The following FLYWCH1 variants were observed in gnomAD, a reference collection of about 807,000 sequenced individuals.
FLYWCH1 encodes FLYWCH-type zinc finger-containing protein 1.
A neutral mutation model predicts 66.4 loss-of-function variants in FLYWCH1; 75 were observed. That is an observed-to-expected ratio of 1.13 (90% CI 0.94 to 1.37). The LOEUF (loss-of-function observed/expected upper bound fraction) is 1.37, where lower values mean the gene tolerates loss of function less well. Ranked by LOEUF, FLYWCH1 falls within the 40% of genes most tolerant of loss-of-function variation. FLYWCH1 has a pLI of 0.00. For missense variants in FLYWCH1, 1,334 were observed against 1,001.8 expected (o/e 1.33, Z -4.48); for synonymous variants, 595 against 429.9 (o/e 1.38, Z -4.75).
chr16:2,932,377 A>G (rs1393345137), intron 4 of FLYWCH1, among the ~76,000 whole-genome samples: 1 of 151,952 alleles, frequency 6.6e-6, no homozygotes, highest in Non-Finnish European at 1.5e-5. Flanking sequence ...GTAGCCTCAG[A>G]AAATTGGCTT....
At position 2,933,505 on chromosome 16, in the gene FLYWCH1, G is replaced by A. The variant is rs202152304; in HGVS notation, c.1172G>A (p.Arg391Gln). The change falls in exon 5 of 10, where the codon CGA (arginine) becomes CAA (glutamine). Residue 391 changes from arginine to glutamine, a missense_variant. Physicochemically the swap from Arg to Gln is conservative, Grantham distance 43. Coordinates refer to ENST00000253928, the MANE Select transcript of FLYWCH1 (RefSeq NM_001308068.2). Reference sequence around the variant, plus strand: ...CTCACCAGGCCTCGGCCCAGAAAGCGAGCAAAGGTCGAAGACCAGGAGCTG... The same window carrying A: ...CTCACCAGGCCTCGGCCCAGAAAGCAAGCAAAGGTCGAAGACCAGGAGCTG... ...LTLTRPRPRK[R>Q]AKVEDQELPT... The A allele has an allele frequency of 8.0e-5, 129 of 1,611,832 alleles. No homozygotes were observed. Among genetic ancestry groups the A allele is most frequent in the Admixed American group, 2.2e-4 (13 of 59,766 alleles).
At position 2,933,572 on chromosome 16, in the gene FLYWCH1, C is replaced by T. The variant is rs749707471; in HGVS notation, c.1239C>T (p.Asp413=). The T allele has an allele frequency of 1.1e-5, 17 of 1,591,150 alleles. No individual in the cohort carries two copies. Among genetic ancestry groups the T allele is most frequent in the South Asian group, 3.4e-5 (3 of 88,000 alleles). The change falls in exon 5 of 10, where the codon GAC becomes GAT. Residue 413 remains aspartate (D), a synonymous_variant. Coordinates refer to ENST00000253928, the MANE Select transcript of FLYWCH1 (RefSeq NM_001308068.2). ...CCCCAGACGAGCACCAGGACATGGA[C>T]GCAGACCCGGGTGAGCTGCCTTCCT... is the stretch of plus-strand genomic sequence containing the variant. ...PEAPDEHQDM[D]ADPGGPEFLK... is the part of the protein sequence containing the mutation.
intron 9 of FLYWCH1, 95 bp from the exon 10 acceptor site, chr16:2,948,593 C>A: frequency 7.5e-7 from 1 of 1,327,322 alleles, no homozygotes; most frequent in Non-Finnish European, 1.1e-6. Flanking sequence ...GTGGCATCCC[C>A]AGGAAAAAGG....
chr16:2,930,736 G>A lies in FLYWCH1; in HGVS notation c.652G>A (p.Gly218Arg). The A allele has an allele frequency of 6.4e-7, 1 of 1,555,032 alleles. No individual in the cohort carries two copies. Among genetic ancestry groups the A allele is most frequent in the East Asian group, 2.4e-5 (1 of 41,710 alleles). ...AGGCCGAGTGGAGGAGCCCCTGGAG[G>A]GGGTGGGCCCGTGGCAGTGCCCTGA... ...PGGRVEEPLEGVGPWQCPEEP... is the reference protein window; with the variant it reads ...PGGRVEEPLERVGPWQCPEEP... Residue 218 changes from glycine (G) to arginine (R), a missense_variant, in exon 4 of 10, where the codon GGG becomes AGG. Gly to Arg is a moderately radical substitution (Grantham distance 125). Transcript: ENST00000253928.
chr16:2,944,838 T>G (rs35539701), intron 9 of FLYWCH1, among the ~76,000 whole-genome samples: 1 of 92,578 alleles, frequency 1.1e-5, no homozygotes, highest in Non-Finnish European at 3.0e-5. Context: ...AAAAAAAAAT[T>G]TTTTTTAACT....
At chr16:2,937,406 CTGGGT>C in intron 7 of FLYWCH1, 22 bp downstream of exon 7, 1 of 1,509,720 alleles carries the variant, frequency 6.6e-7, no homozygotes, top group African/African-American at 1.4e-5. Flanking sequence ...GGGTGCTGGG[CTGGGT>C]CTGCCTGGTC....
At chr16:2,934,085 T>C in intron 6 of FLYWCH1, 106 bp downstream of exon 6, 1 of 1,316,260 alleles carries the variant, frequency 7.6e-7, no homozygotes, top group Non-Finnish European at 1.0e-6. Flanking sequence ...TCCTCTTCCC[T>C]TCTTTGAACA....
chr16:2,930,939 C>G lies in FLYWCH1; in HGVS notation c.796+59C>G, dbSNP rs1195743258. On this transcript the variant is annotated intron_variant, in intron 4 of 9. Coordinates refer to ENST00000253928, the MANE Select transcript of FLYWCH1 (RefSeq NM_001308068.2). ...CGGGGCAGGGGACCCGAGGGCCCTT[C>G]CTCAGCCCAAATAGAAATGTGGGGT... 5.3e-6 allele frequency: 7 copies of G among 1,318,134 alleles called. No individual in the cohort carries two copies. The African/African-American group carries it at 1.0e-4, about 20-fold the overall frequency. 81.7% of individuals were successfully genotyped at this position (1,318,134 alleles called of 1,614,324 possible).
intron 2 of FLYWCH1, among the ~76,000 whole-genome samples, chr16:2,914,498 A>G (rs1176756904): frequency 6.6e-6 from 1 of 152,180 alleles, no homozygotes; most frequent in Non-Finnish European, 1.5e-5. Context: ...CGCACCCTCA[A>G]TTCTGGGAGA....
At chr16:2,938,910 C>T (rs954272819) in intron 8 of FLYWCH1, among the ~76,000 whole-genome samples, 2 of 144,340 alleles carry the variant, frequency 1.4e-5, no homozygotes, top group Admixed American at 1.4e-4. Context: ...CTGTGCCCAA[C>T]CTTTTTTTTT....
chr16:2,933,683 C>T (rs1266516188), intron 5 of FLYWCH1, 33 bp from the exon 6 acceptor site: 2 of 1,597,072 alleles, frequency 1.3e-6, no homozygotes, highest in Non-Finnish European at 1.7e-6. Flanking sequence ...CAGCCCCTGT[C>T]CCCTCCCCTG....
At position 2,948,797 on chromosome 16, in the gene FLYWCH1, T is replaced by C; in HGVS notation, c.*70T>C. 2 of 1,421,248 alleles carry C rather than the reference T, an allele frequency of 1.4e-6. No homozygotes were observed. Among genetic ancestry groups the C allele is most frequent in the South Asian group, 2.3e-5 (2 of 86,590 alleles). 88.0% of individuals were successfully genotyped at this position (1,421,248 alleles called of 1,614,324 possible). A position where few individuals can be genotyped will look rare whatever the true frequency, so the allele number is the denominator to read the frequency against. Reference sequence around the variant, plus strand: ...TTCACATCCACACAGGCACTTCCCATCCACCTAGGTTTGGCTTAGCAGAAA... The same window carrying C: ...TTCACATCCACACAGGCACTTCCCACCCACCTAGGTTTGGCTTAGCAGAAA... On this transcript the variant is annotated 3_prime_UTR_variant, in exon 10 of 10. Transcript: ENST00000253928.
intron 2 of FLYWCH1, among the ~76,000 whole-genome samples, chr16:2,918,258 C>T (rs1050305582): frequency 6.6e-6 from 1 of 150,822 alleles, no homozygotes; most frequent in African/African-American, 2.4e-5. Flanking sequence ...CACCATTCTC[C>T]TGCCTCAGCC....
Position 2,940,051 on chromosome 16 carries a change from G to A in FLYWCH1, c.2070G>A (p.Leu690=), listed in dbSNP as rs757603208. The part of the protein sequence containing the change: ...QEDPEKIQVQ[L]CFKTCSPESQ... ...CCACAGAAAAGATTCAAGTTCAGCT[G>A]TGCTTCAAGACGTGTTCTCCTGAAA... The change falls in exon 9 of 10, where the codon CTG becomes CTA. Residue 690 remains leucine (L), a synonymous_variant. Coordinates refer to ENST00000253928, the MANE Select transcript of FLYWCH1 (RefSeq NM_001308068.2). The A allele has an allele frequency of 5.1e-6, 8 of 1,583,034 alleles. No homozygotes were observed. In the South Asian group the frequency reaches 6.7e-5, roughly 13 times the overall value.
At chr16:2,919,795 C>A (rs1327500920) in intron 2 of FLYWCH1, among the ~76,000 whole-genome samples, 1 of 152,082 alleles carries the variant, frequency 6.6e-6, no homozygotes, top group African/African-American at 2.4e-5. Flanking sequence ...ACATTGCCAC[C>A]CGTGTAATTT....
chr16:2,929,409 A>G (rs1160085992), intron 2 of FLYWCH1, among the ~76,000 whole-genome samples: 1 of 143,498 alleles, frequency 7.0e-6, no homozygotes, highest in African/African-American at 2.6e-5. Flanking sequence ...CCAGATGGGG[A>G]AAGTGGGGTT....
At chr16:2,915,814 AAG>A (rs1555480772) in intron 2 of FLYWCH1, among the ~76,000 whole-genome samples, 336 of 149,696 alleles carry the variant, frequency 2.2e-3, no homozygotes, top group African/African-American at 8.0e-3. Flanking sequence ...AAAAAAAAAA[AAG>A]AGAGAATCCA....
At chr16:2,939,466 G>C (rs1265470966) in intron 8 of FLYWCH1, among the ~76,000 whole-genome samples, 1 of 143,936 alleles carries the variant, frequency 6.9e-6, no homozygotes, top group Non-Finnish European at 1.6e-5. Flanking sequence ...CAAAAAAAGA[G>C]AAGAAAAGAA....
rs2071634052 is a variant in FLYWCH1 at position 2,950,240 on chromosome 16, T to A, written c.*1513T>A. On this transcript the variant is annotated 3_prime_UTR_variant, in exon 10 of 10. Coordinates refer to ENST00000253928, the MANE Select transcript of FLYWCH1 (RefSeq NM_001308068.2). ...GACACACAACACAGTGGCTGCGCTT[T>A]GGGCACTGTTCTCGGCCCTGAAGCA... The A allele has an allele frequency of 6.6e-6, 1 of 152,324 alleles. No individual in the cohort carries two copies. The highest frequency in any genetic ancestry group is 1.5e-5 in the Non-Finnish European group (1 of 68,118). 9.4% of individuals were successfully genotyped at this position (152,324 alleles called of 1,614,324 possible). A position where few individuals can be genotyped will look rare whatever the true frequency, so the allele number is the denominator to read the frequency against.
Sources: gnomAD v4.1 joint callset for allele counts (sites outside exome capture counted in the v4.1 genomes callset) on GRCh38, gnomAD v4.1.1 for gene constraint, MANE v1.5 for transcripts, NCBI Gene and HGNC (gene_info 2026-07-23, HGNC 2026-07-21) for gene names.